STK32A: variants seen among roughly 807,000 people sequenced by gnomAD.
The protein encoded by STK32A is serine/threonine-protein kinase 32A.
Under a neutral mutation model 53.2 loss-of-function variants are expected in STK32A, and 41 were observed. That is an observed-to-expected ratio of 0.77 (90% CI 0.60 to 1.00). The LOEUF is 1.00. Among genes scored for constraint, STK32A ranks in the 50% least tolerant of loss-of-function variants. STK32A has a pLI of 0.00. For missense variants in STK32A, 458 were observed against 485.8 expected, an observed-to-expected ratio of 0.94 and a Z score of 0.54; for synonymous variants, 166 against 162.8, an observed-to-expected ratio of 1.02 and a Z score of -0.15.
At chr5:147,312,355 CGGCCTTCCAAAGTGCTGGGATTACA>C in intron 4 of STK32A, among the ~76,000 whole-genome samples, 1 of 152,264 alleles carries the variant, frequency 6.6e-6, no homozygotes, top group South Asian at 2.1e-4. Context: ...CCACCCACCT[CGGCCTTCCAAAGTGCTGGGATTACA>C]GGTGTGAACC....
In STK32A at chr5:147,351,069, CG is replaced by C; in HGVS notation, c.478del (p.Val160CysfsTer52). 1 of 1,613,676 alleles carries C rather than the reference CG, an allele frequency of 6.2e-7. No homozygotes were observed. The highest frequency in any genetic ancestry group is 8.5e-7 in the Non-Finnish European group (1 of 1,179,662). The part of the protein sequence containing the change: ...DNILLDEHGH[V>X]HITDFNIAAM... ...GTGGTTCTTCTCTCTCTGCAGGGCA[CG>C]TGCACATCACAGATTTCAACATTGC... On this transcript the variant is annotated frameshift_variant, in exon 7 of 13. Transcript: ENST00000397936. LOFTEE classifies it high-confidence loss of function.
chr5:147,384,651 T>C lies in STK32A; in HGVS notation c.*668T>C, dbSNP rs954277595. On this transcript the variant is annotated 3_prime_UTR_variant, in exon 13 of 13. Coordinates refer to ENST00000397936, the MANE Select transcript of STK32A (RefSeq NM_001112724.2). ...ACAATGTGAAAGTGGTAACTTGAAA[T>C]TGGTAATAATGGGAGCATTTACACC... The C allele has an allele frequency of 9.0e-6, 4 of 443,220 alleles. No individual in the cohort carries two copies. Among genetic ancestry groups the C allele is most frequent in the Non-Finnish European group, 7.9e-6 (2 of 251,702 alleles). The allele number at this position is 443,220 out of a possible 1,614,324, so 27.5% of individuals were successfully genotyped here. A position where few individuals can be genotyped will look rare whatever the true frequency, so the allele number is the denominator to read the frequency against.
chr5:147,316,685 A>T (rs1754003916), intron 4 of STK32A, among the ~76,000 whole-genome samples: 1 of 152,068 alleles, frequency 6.6e-6, no homozygotes, highest in Non-Finnish European at 1.5e-5. Context: ...GTAAGACCCC[A>T]TCTCTACAAA....
At chr5:147,293,484 A>T (rs1173189053) in intron 4 of STK32A, among the ~76,000 whole-genome samples, 6 of 58,858 alleles carry the variant, frequency 1.0e-4, no homozygotes, top group African/African-American at 3.4e-4. Context: ...CGAGGTAAAA[A>T]AAAAAAAAAA....
At chr5:147,307,900 C>G (rs979237967) in intron 4 of STK32A, among the ~76,000 whole-genome samples, 4 of 152,072 alleles carry the variant, frequency 2.6e-5, no homozygotes, top group African/African-American at 9.7e-5. Context: ...CATTTGTATA[C>G]TCTTGCATAT....
intron 4 of STK32A, among the ~76,000 whole-genome samples, chr5:147,282,558 A>G (rs1273486105): frequency 1.3e-5 from 2 of 152,218 alleles, no homozygotes; most frequent in African/African-American, 2.4e-5. Flanking sequence ...CACCTAGTAC[A>G]TAAGTACTCA....
At chr5:147,237,946 G>T (rs575402460) in intron 1 of STK32A, among the ~76,000 whole-genome samples, 117 of 152,150 alleles carry the variant, frequency 7.7e-4, no homozygotes, top group African/African-American at 2.7e-3. Flanking sequence ...GAGCTCAGGA[G>T]GAAATCAACT....
intron 1 of STK32A, among the ~76,000 whole-genome samples, chr5:147,237,325 T>TTAATGTTC (rs1753367029): frequency 6.6e-6 from 1 of 151,784 alleles, no homozygotes; most frequent in South Asian, 2.1e-4. Flanking sequence ...AAAAAAAAAA[T>TTAATGTTC]TAATGTTCTC....
At chr5:147,289,891 C>T (rs573325438) in intron 4 of STK32A, among the ~76,000 whole-genome samples, 3 of 151,952 alleles carry the variant, frequency 2.0e-5, no homozygotes, top group Non-Finnish European at 4.4e-5. Flanking sequence ...TACTGAGCAT[C>T]GAAAACAAGT....
chr5:147,263,600 GA>G (rs1265840929), intron 2 of STK32A, among the ~76,000 whole-genome samples: 2 of 151,932 alleles, frequency 1.3e-5, no homozygotes, highest in African/African-American at 2.4e-5. Flanking sequence ...TTTGCTTTGG[GA>G]AAAAAATTAC....
At chr5:147,248,231 C>G (rs1250311525) in intron 2 of STK32A, among the ~76,000 whole-genome samples, 2 of 151,874 alleles carry the variant, frequency 1.3e-5, no homozygotes, top group Admixed American at 6.6e-5. Context: ...GACTCCTGCT[C>G]TAAGCATCTT....
At chr5:147,331,591 G>T (rs1038021781) in intron 5 of STK32A, among the ~76,000 whole-genome samples, 1 of 152,202 alleles carries the variant, frequency 6.6e-6, no homozygotes, top group Non-Finnish European at 1.5e-5. Flanking sequence ...CCCTCAGAAA[G>T]ATTTGTTGAA....
chr5:147,351,270 T>C (rs1345122725), intron 7 of STK32A, 116 bp downstream of exon 7: 6 of 828,540 alleles, frequency 7.2e-6, no homozygotes, highest in East Asian at 5.3e-5. Flanking sequence ...TGACTTTACC[T>C]GTGGAGCTTC....
intron 5 of STK32A, among the ~76,000 whole-genome samples, chr5:147,324,278 AC>A (rs1445097769): frequency 6.6e-6 from 1 of 152,258 alleles, no homozygotes; most frequent in Non-Finnish European, 1.5e-5. Flanking sequence ...GTCACAGTAA[AC>A]AACAAGATCA....
the STK32A span, among the ~76,000 whole-genome samples, chr5:147,401,100 A>G: frequency 4.6e-5 from 7 of 152,196 alleles, no homozygotes; most frequent in East Asian, 9.6e-4. Flanking sequence ...TCATGATCCT[A>G]TATGTCTGCA....
chr5:147,252,458 G>C (rs964122801), intron 2 of STK32A, among the ~76,000 whole-genome samples: 1 of 152,080 alleles, frequency 6.6e-6, no homozygotes, highest in African/African-American at 2.4e-5. Context: ...TGGTAGTCCT[G>C]ATATGATATC....
chr5:147,359,013 A>ATTTGCT (rs1190981763), intron 7 of STK32A, among the ~76,000 whole-genome samples: 3 of 152,190 alleles, frequency 2.0e-5, no homozygotes, highest in African/African-American at 7.2e-5. Context: ...TTATGTGGAC[A>ATTTGCT]TTTGCTTATA....
At chr5:147,287,046 T>A (rs1752379016) in intron 4 of STK32A, among the ~76,000 whole-genome samples, 1 of 152,198 alleles carries the variant, frequency 6.6e-6, no homozygotes, top group African/African-American at 2.4e-5. Flanking sequence ...GGCAGCCACA[T>A]ATATACCTGT....
chr5:147,301,569 AT>A (rs1366764678), intron 4 of STK32A, among the ~76,000 whole-genome samples: 2 of 152,112 alleles, frequency 1.3e-5, no homozygotes, highest in African/African-American at 4.8e-5. Context: ...TTTAAATCTA[AT>A]TTTTTGAATA....
Sources: gnomAD v4.1 joint callset for allele counts (sites outside exome capture counted in the v4.1 genomes callset) on GRCh38, gnomAD v4.1.1 for gene constraint, MANE v1.5 for transcripts, NCBI Gene and HGNC (gene_info 2026-07-23, HGNC 2026-07-21) for gene names.